Variants in SNX8 observed in about 807,000 individuals in gnomAD.
The protein encoded by SNX8 is sorting nexin 8.
In SNX8, 25 loss-of-function variants were observed where a neutral mutation model predicts 51.6. The ratio of observed to expected loss-of-function variants is 0.48; its 90% CI spans 0.35 to 0.68. The LOEUF (loss-of-function observed/expected upper bound fraction) is 0.68. Ranked by LOEUF, SNX8 falls within the 30% of genes least tolerant of loss-of-function variation. The pLI, the probability that SNX8 is intolerant of heterozygous loss-of-function variation, is 0.00. For missense variants in SNX8, 695 were observed against 624.0 expected, an observed-to-expected ratio of 1.11 and a Z score of -1.21; for synonymous variants, 324 against 277.0, an observed-to-expected ratio of 1.17 and a Z score of -1.68.
intron 1 of SNX8, among the ~76,000 whole-genome samples, chr7:2,342,725 G>C (rs1039884585): frequency 6.6e-6 from 1 of 152,044 alleles, no homozygotes; most frequent in Non-Finnish European, 1.5e-5. Context: ...AGAGAAGACA[G>C]AGTAACTTTT....
chr7:2,323,175 C>A (rs1279523324), intron 1 of SNX8, among the ~76,000 whole-genome samples: 1 of 151,548 alleles, frequency 6.6e-6, no homozygotes, highest in East Asian at 1.9e-4. Flanking sequence ...ACTAAAAATA[C>A]AAAAATTAGC....
In SNX8 at chr7:2,260,260, G is replaced by C. The variant is rs547889153; in HGVS notation, c.916-2457C>G. 9.2e-4 allele frequency among the ~76,000 whole-genome samples: 140 copies of C among 152,222 alleles called. 1 individual carries two copies. Among genetic ancestry groups the C allele is most frequent in the South Asian group, 8.1e-3 (39 of 4,818 alleles). ...TTACAGGTGCCCGCCACCACGCCTGGCTAATGTTTGTATTTTTAGTAGAGA... is the reference window on the plus strand; with the variant it reads ...TTACAGGTGCCCGCCACCACGCCTGCCTAATGTTTGTATTTTTAGTAGAGA... On this transcript the variant is annotated intron_variant, in intron 7 of 10. Coordinates refer to ENST00000222990, the MANE Select transcript of SNX8 (RefSeq NM_013321.4).
chr7:2,341,516 G>C (rs1398773756), intron 1 of SNX8, among the ~76,000 whole-genome samples: 2 of 151,608 alleles, frequency 1.3e-5, no homozygotes, highest in Admixed American at 1.3e-4. Flanking sequence ...AAGCAAAAAT[G>C]AAGTTGAAGG....
intron 1 of SNX8, among the ~76,000 whole-genome samples, chr7:2,331,184 C>CAAAAAAAAAAAAAAAAAAAA (rs71023397): frequency 1.3e-5 from 1 of 76,720 alleles, no homozygotes; most frequent in Non-Finnish European, 2.4e-5. Flanking sequence ...GACTCTGTCT[C>CAAAAAAAAAAAAAAAAAAAA]AAAAAAAAAA....
intron 1 of SNX8, among the ~76,000 whole-genome samples, chr7:2,328,937 T>G (rs1423377061): frequency 6.6e-6 from 1 of 151,932 alleles, no homozygotes; most frequent in Non-Finnish European, 1.5e-5. Flanking sequence ...TACAAAAAAG[T>G]TAGCCGGGCG....
At chr7:2,308,388 C>A (rs1041674835) in intron 1 of SNX8, among the ~76,000 whole-genome samples, 1 of 151,946 alleles carries the variant, frequency 6.6e-6, no homozygotes, top group South Asian at 2.1e-4. Context: ...TGTGTCATGG[C>A]CAGTCACGGT....
At chr7:2,346,014 G>T (rs1256255766) in intron 1 of SNX8, among the ~76,000 whole-genome samples, 1 of 151,924 alleles carries the variant, frequency 6.6e-6, no homozygotes, top group Non-Finnish European at 1.5e-5. Flanking sequence ...CACCATGTTG[G>T]CCAGGCTGGT....
intron 1 of SNX8, among the ~76,000 whole-genome samples, chr7:2,303,796 A>G (rs1796474743): frequency 1.3e-5 from 2 of 151,904 alleles, no homozygotes; most frequent in African/African-American, 4.8e-5. Context: ...AATCTCAAGT[A>G]CCCAGGGACA....
At chr7:2,316,236 C>A (rs1266087437), upstream of SNX8, among the ~76,000 whole-genome samples, 1 of 148,070 alleles carries the variant, frequency 6.8e-6, no homozygotes, top group East Asian at 2.0e-4. Flanking sequence ...ATCCTGCATT[C>A]ATTCATTCAC....
At chr7:2,332,299 A>T (rs1778750717) in intron 1 of SNX8, among the ~76,000 whole-genome samples, 1 of 151,748 alleles carries the variant, frequency 6.6e-6, no homozygotes, top group Admixed American at 6.6e-5. Flanking sequence ...AAGATGACAG[A>T]TATTTACATT....
At chr7:2,255,922 C>A (rs1206022157) in intron 10 of SNX8, among the ~76,000 whole-genome samples, 1 of 152,216 alleles carries the variant, frequency 6.6e-6, no homozygotes, top group Non-Finnish European at 1.5e-5. Context: ...GGGCAGGGCG[C>A]ACCCTGGGGG....
At chr7:2,295,188 G>A (rs1481965254) in intron 1 of SNX8, among the ~76,000 whole-genome samples, 2 of 152,124 alleles carry the variant, frequency 1.3e-5, no homozygotes, top group African/African-American at 2.4e-5. Context: ...CAGATCACTT[G>A]AGGTCAGGAG....
intron 1 of SNX8, among the ~76,000 whole-genome samples, chr7:2,284,401 T>C (rs1313399811): frequency 1.4e-5 from 2 of 139,032 alleles, no homozygotes; most frequent in East Asian, 2.1e-4. Flanking sequence ...ATTTCCTTTT[T>C]TTTTTTTTTT....
At chr7:2,324,194 T>C (rs868247155) in intron 1 of SNX8, among the ~76,000 whole-genome samples, 62 of 151,730 alleles carry the variant, frequency 4.1e-4, no homozygotes, top group African/African-American at 1.4e-3. Flanking sequence ...TCTGTAATCA[T>C]AGCACTTTGA....
At chr7:2,346,350 A>ACAGGAGGGTTGCTTGAACC (rs1779026261) in intron 1 of SNX8, among the ~76,000 whole-genome samples, 1 of 151,654 alleles carries the variant, frequency 6.6e-6, no homozygotes, top group Non-Finnish European at 1.5e-5. Context: ...GGAGGCCGAA[A>ACAGGAGGGTTGCTTGAACC]CAGGAGGGTT....
At chr7:2,268,261 T>C (rs1795532509) in intron 5 of SNX8, among the ~76,000 whole-genome samples, 1 of 139,440 alleles carries the variant, frequency 7.2e-6, no homozygotes, top group Non-Finnish European at 1.5e-5. Context: ...GGAGCGTCTC[T>C]GCCCGGCCGC....
chr7:2,344,280 A>G (rs1042425707), intron 1 of SNX8, among the ~76,000 whole-genome samples: 1 of 151,802 alleles, frequency 6.6e-6, no homozygotes, highest in African/African-American at 2.4e-5. Flanking sequence ...TCAGGAGTTC[A>G]AGATCAGCCT....
At chr7:2,319,840 T>C (rs1157589446) in intron 1 of SNX8, among the ~76,000 whole-genome samples, 9 of 134,606 alleles carry the variant, frequency 6.7e-5, no homozygotes, top group Admixed American at 3.1e-4. Flanking sequence ...ATTAGCTGGG[T>C]GTGGTGGCGG....
chr7:2,262,778 A>G (rs1490230401), intron 7 of SNX8, among the ~76,000 whole-genome samples: 2 of 152,068 alleles, frequency 1.3e-5, no homozygotes. Flanking sequence ...ACAGATGTGG[A>G]TGGGCAGCTC....
Sources: allele counts gnomAD v4.1 joint callset (sites outside exome capture counted in the v4.1 genomes callset), GRCh38; gene constraint gnomAD v4.1.1; transcripts MANE v1.5; gene names NCBI Gene and HGNC (gene_info 2026-07-23, HGNC 2026-07-21).